ZFTRAF1: variants seen among roughly 807,000 people sequenced by gnomAD.
ZFTRAF1 encodes the protein zinc finger TRAF-type-containing protein 1.
the ZFTRAF1 span, chr8:144,453,535 A>G: frequency 1.5e-6 from 2 of 1,344,048 alleles, no homozygotes; most frequent in Non-Finnish European, 2.0e-6. Flanking sequence ...CATGCCCATC[A>G]GCTCCAGCCA....
chr8:144,461,630 G>A, the ZFTRAF1 span, among the ~76,000 whole-genome samples: 5 of 152,200 alleles, frequency 3.3e-5, no homozygotes, highest in African/African-American at 9.7e-5. Context: ...AGTTGGATGT[G>A]GGGTTTGGCT....
the ZFTRAF1 span, chr8:144,452,042 T>G: frequency 2.4e-6 from 1 of 418,356 alleles, no homozygotes; most frequent in Non-Finnish European, 4.6e-6. Context: ...ACCCTGACTG[T>G]CTTGAGGCTC....
the ZFTRAF1 span, chr8:144,449,607 A>T: frequency 6.6e-6 from 1 of 152,278 alleles, no homozygotes; most frequent in African/African-American, 2.4e-5. Context: ...AAGAGCCTGC[A>T]AGGAGTTTAA....
the ZFTRAF1 span, chr8:144,451,024 G>C: frequency 2.0e-6 from 1 of 493,840 alleles, no homozygotes; most frequent in South Asian, 2.8e-5. Flanking sequence ...CACGTGTCAG[G>C]CCACACCCCA....
the ZFTRAF1 span, chr8:144,457,439 TATC>T: frequency 6.6e-6 from 1 of 152,068 alleles, no homozygotes; most frequent in Non-Finnish European, 1.5e-5. Flanking sequence ...AGACAGGAAA[TATC>T]ACCACCTTGG....
At chr8:144,458,168 G>A in the ZFTRAF1 span, among the ~76,000 whole-genome samples, 1 of 152,232 alleles carries the variant, frequency 6.6e-6, no homozygotes, top group Non-Finnish European at 1.5e-5. Context: ...TAAGCATGAA[G>A]CCAGGACTCG....
chr8:144,462,656 G>A, the ZFTRAF1 span: 3 of 144,176 alleles, frequency 2.1e-5, no homozygotes, highest in Non-Finnish European at 3.1e-5. Context: ...GCCGGACATA[G>A]CGGCCGGCCG....
the ZFTRAF1 span, chr8:144,462,209 C>G: frequency 2.2e-6 from 1 of 460,036 alleles, no homozygotes; most frequent in East Asian, 4.2e-5. Context: ...TCCGAGGAGA[C>G]GCGGATCCTG....
the ZFTRAF1 span, chr8:144,452,602 G>C: frequency 6.6e-7 from 1 of 1,524,844 alleles, no homozygotes; most frequent in Non-Finnish European, 8.8e-7. Context: ...CTCACAGACT[G>C]AGCCCCGAAC....
At chr8:144,462,064 G>C in the ZFTRAF1 span, among the ~76,000 whole-genome samples, 4 of 152,268 alleles carry the variant, frequency 2.6e-5, no homozygotes, top group East Asian at 3.9e-4. Flanking sequence ...GAAAAGGGGG[G>C]TCCCGAGCGG....
the ZFTRAF1 span, chr8:144,450,540 C>G: frequency 1.4e-6 from 1 of 718,238 alleles, no homozygotes; most frequent in Non-Finnish European, 2.6e-6. Context: ...ATCCTCACGT[C>G]GTCGTAGGGG....
At chr8:144,453,207 CT>C in the ZFTRAF1 span, 1 of 1,549,284 alleles carries the variant, frequency 6.5e-7, no homozygotes, top group Non-Finnish European at 8.7e-7. Context: ...GGCTAAGCCC[CT>C]GACCCTCAGT....
chr8:144,461,950 T>A, the ZFTRAF1 span, among the ~76,000 whole-genome samples: 1 of 151,566 alleles, frequency 6.6e-6, no homozygotes, highest in East Asian at 1.9e-4. Context: ...AGGCTGTGGG[T>A]TGGGAGAGTG....
the ZFTRAF1 span, chr8:144,453,259 G>C: frequency 6.4e-7 from 1 of 1,551,054 alleles, no homozygotes; most frequent in East Asian, 2.4e-5. Context: ...CTCTCCAGGA[G>C]GGAGCGGGGA....
chr8:144,455,392 G>A, the ZFTRAF1 span: 2 of 152,192 alleles, frequency 1.3e-5, no homozygotes, highest in East Asian at 1.9e-4. Context: ...TGACTGGGTT[G>A]GGGACAAGCT....
the ZFTRAF1 span, among the ~76,000 whole-genome samples, chr8:144,461,902 G>A: frequency 2.6e-4 from 40 of 152,276 alleles, no homozygotes; most frequent in Admixed American, 2.5e-3. Context: ...GGGACCGGGT[G>A]GGTTGCGGGG....
At chr8:144,456,928 AATGACATCACAGGGG>A in the ZFTRAF1 span, 2 of 150,422 alleles carry the variant, frequency 1.3e-5, no homozygotes, top group South Asian at 4.2e-4. Context: ...ATCATGAGGG[AATGACATCACAGGGG>A]ATGACATTAC....
At chr8:144,460,739 C>T in the ZFTRAF1 span, among the ~76,000 whole-genome samples, 1 of 152,176 alleles carries the variant, frequency 6.6e-6, no homozygotes, top group African/African-American at 2.4e-5. Flanking sequence ...CAAAAACAGC[C>T]GGGCATGGTG....
At chr8:144,451,079 G>A in the ZFTRAF1 span, 73 of 339,648 alleles carry the variant, frequency 2.1e-4, no homozygotes, top group South Asian at 3.3e-3. Context: ...CCCGAGCCCC[G>A]GGTGTCCCCC....
Sources: gnomAD v4.1 joint callset for allele counts (sites outside exome capture counted in the v4.1 genomes callset) on GRCh38, gnomAD v4.1.1 for gene constraint, MANE v1.5 for transcripts, NCBI Gene and HGNC (gene_info 2026-07-23, HGNC 2026-07-21) for gene names.